FERMT3: variants seen among roughly 807,000 people sequenced by gnomAD.
The protein encoded by FERMT3 is fermitin family homolog 3.
Under a neutral mutation model 80.8 loss-of-function variants are expected in FERMT3, and 33 were observed. The observed-to-expected ratio is 0.41, with a 90% CI of 0.31 to 0.55. FERMT3 has a LOEUF of 0.55. Among genes scored for constraint, FERMT3 ranks in the 20% least tolerant of loss-of-function variants. The pLI is 0.31. For synonymous variants in FERMT3, 375 were observed against 372.2 expected (o/e 1.01, Z -0.09); for missense variants, 754 against 908.7 (o/e 0.83, Z 2.19).
At chr11:64,213,699 A>T (rs980259381) in intron 6 of FERMT3, among the ~76,000 whole-genome samples, 1 of 150,884 alleles carries the variant, frequency 6.6e-6, no homozygotes, top group African/African-American at 2.4e-5. Context: ...CTGGGATTAC[A>T]GGCGTTGAGC....
rs1946781059 is a variant in FERMT3, at chr11:64,223,714, G to A, written c.*222G>A. ...GTGGGGGTCCCTGAGCTCATGTGGT[G>A]CCCCCTTTCCTTGTCTGAGTGGCTG... On this transcript the variant is annotated 3_prime_UTR_variant, in exon 15 of 15. Coordinates refer to ENST00000345728, the MANE Select transcript of FERMT3 (RefSeq NM_031471.6). 1 of 750,704 alleles carries A rather than the reference G, an allele frequency of 1.3e-6. No individual in the cohort carries two copies. The highest frequency in any genetic ancestry group is 2.7e-5 in the East Asian group (1 of 37,356). The allele number at this position is 750,704 out of a possible 1,614,324, so 46.5% of individuals were successfully genotyped here.
At chr11:64,216,447 C>T (rs1946551909) in intron 6 of FERMT3, among the ~76,000 whole-genome samples, 1 of 149,324 alleles carries the variant, frequency 6.7e-6, no homozygotes, top group Admixed American at 6.6e-5. Flanking sequence ...GATCTGCCCG[C>T]TTCAGCCTCC....
At chr11:64,223,018 C>A in intron 13 of FERMT3, 30 bp from the exon 14 acceptor site, 1 of 1,612,860 alleles carries the variant, frequency 6.2e-7, no homozygotes, top group Non-Finnish European at 8.5e-7. Context: ...AGGGTGGAGC[C>A]CTGGCTCACT....
rs1354660182 is a variant in FERMT3, at chr11:64,207,803, T to C, written c.160+279T>C. 3.4e-5 allele frequency: 13 copies of C among 386,474 alleles called. No homozygotes were observed. The East Asian group carries it at 6.7e-4, about 20-fold the overall frequency. 23.9% of individuals were successfully genotyped at this position (386,474 alleles called of 1,614,324 possible). A position where few individuals can be genotyped will look rare whatever the true frequency, so the allele number is the denominator to read the frequency against. Reference sequence around the variant, plus strand: ...ACCAATAGGGGCAGAAGGAGTGGTCTTGTCTGGGCCGAGGCTGAAGTCACA... The same window carrying C: ...ACCAATAGGGGCAGAAGGAGTGGTCCTGTCTGGGCCGAGGCTGAAGTCACA... On this transcript the variant is annotated intron_variant, in intron 2 of 14. Coordinates refer to ENST00000345728, the MANE Select transcript of FERMT3 (RefSeq NM_031471.6).
At chr11:64,208,922 G>C (rs1946376815) in intron 2 of FERMT3, among the ~76,000 whole-genome samples, 4 of 152,186 alleles carry the variant, frequency 2.6e-5, no homozygotes, top group Admixed American at 2.0e-4. Context: ...AGGCTGTCCT[G>C]CTAAGGTCAG....
intron 14 of FERMT3, 52 bp from the exon 15 acceptor site, chr11:64,223,261 A>G: frequency 6.2e-7 from 1 of 1,613,124 alleles, no homozygotes; most frequent in Non-Finnish European, 8.5e-7. Flanking sequence ...AGGGTGGGGC[A>G]GGGGCTGCTC....
Position 64,220,636 on chromosome 11 carries a change from C to T in FERMT3, c.1512C>T (p.Ala504=), listed in dbSNP as rs775055062. The T allele has an allele frequency of 8.7e-6, 14 of 1,611,462 alleles. No individual in the cohort carries two copies. In the East Asian group the frequency reaches 3.1e-4, roughly 36 times the overall value. ...AEGLNPYGLV[A]PRFQRKFKAK... ...GCCTCAACCCCTACGGCCTCGTTGC[C>T]CCCCGTTTCCAGCGAAAGTTCAAGG... The change falls in exon 12 of 15, where the codon GCC becomes GCT. Residue 504 remains alanine, a synonymous_variant. Transcript: ENST00000345728.
chr11:64,219,373 T>C lies in FERMT3; in HGVS notation c.894+15T>C. 6.3e-7 allele frequency: 1 copy of C among 1,582,736 alleles called. No individual in the cohort carries two copies. Among genetic ancestry groups the C allele is most frequent in the Non-Finnish European group, 8.6e-7 (1 of 1,165,152 alleles). On this transcript the variant is annotated intron_variant, in intron 7 of 14. Coordinates refer to ENST00000345728, the MANE Select transcript of FERMT3 (RefSeq NM_031471.6). The surrounding 1 kb of genome is among the most constrained non-coding windows in gnomAD (Gnocchi z 4.0). ...CCGCCCTGCAGGTACCAGGCGGGCCTGGGGGCACCAGGGCAGGTGGGAGGT... is the reference window on the plus strand; with the variant it reads ...CCGCCCTGCAGGTACCAGGCGGGCCCGGGGGCACCAGGGCAGGTGGGAGGT...
At chr11:64,220,106 G>T in intron 10 of FERMT3, 91 bp downstream of exon 10, 1 of 1,580,384 alleles carries the variant, frequency 6.3e-7, no homozygotes, top group Non-Finnish European at 8.7e-7. Flanking sequence ...TCCTCCTGGA[G>T]ACCGGGGAAG....
chr11:64,219,196 A>G lies in FERMT3; in HGVS notation c.787-55A>G. The G allele has an allele frequency of 6.6e-7, 1 of 1,510,980 alleles. No homozygotes were observed. Among genetic ancestry groups the G allele is most frequent in the East Asian group, 2.5e-5 (1 of 40,758 alleles). 93.6% of individuals were successfully genotyped at this position (1,510,980 alleles called of 1,614,324 possible). A position where few individuals can be genotyped will look rare whatever the true frequency, so the allele number is the denominator to read the frequency against. ...GGCAGGGGCTCAGTGCAGGGCGTCC[A>G]GGGCAGCTGGCATCTGACCAGCCCA... On this transcript the variant is annotated intron_variant, in intron 6 of 14. Transcript: ENST00000345728. The surrounding 1 kb of genome is among the most constrained non-coding windows in gnomAD (Gnocchi z 4.0).
rs920776780 is a variant in FERMT3, at chr11:64,210,237, T to C, written c.161-374T>C. Among the ~76,000 whole-genome samples the C allele has an allele frequency of 1.3e-5, 2 of 151,966 alleles. No homozygotes were observed. Among genetic ancestry groups the C allele is most frequent in the African/African-American group, 4.8e-5 (2 of 41,352 alleles). On this transcript the variant is annotated intron_variant, in intron 2 of 14. Coordinates refer to ENST00000345728, the MANE Select transcript of FERMT3 (RefSeq NM_031471.6). The surrounding 1 kb of genome is among the most constrained non-coding windows in gnomAD (Gnocchi z 4.3). Reference sequence around the variant, plus strand: ...AGACGTAGTCTCTGCCTCCAGGAGCTCCCCAGAATGCAAGACAGAGGCTGT... The same window carrying C: ...AGACGTAGTCTCTGCCTCCAGGAGCCCCCCAGAATGCAAGACAGAGGCTGT...
chr11:64,207,976 T>G (rs1479369509), intron 2 of FERMT3: 2 of 161,490 alleles, frequency 1.2e-5, no homozygotes, highest in Admixed American at 6.2e-5. Context: ...GCAGCTGTGG[T>G]ATCAGTCATG....
rs951741778 is a variant in FERMT3 at position 64,216,873 on chromosome 11, G to A, written c.787-2378G>A. Among the ~76,000 whole-genome samples, 5 of 150,970 alleles carry A rather than the reference G, an allele frequency of 3.3e-5. No homozygotes were observed. In the South Asian group the frequency reaches 6.3e-4, roughly 19 times the overall value. On this transcript the variant is annotated intron_variant, in intron 6 of 14. Transcript: ENST00000345728. ...GTACTCTACAAGGATTTTGATTCAC[G>A]TTTGAAGTTCTCTTCTGCGCCCTAC...
upstream of FERMT3, among the ~76,000 whole-genome samples, chr11:64,206,348 C>T (rs1014853607): frequency 6.6e-6 from 1 of 152,234 alleles, no homozygotes; most frequent in African/African-American, 2.4e-5. Context: ...CCTGGATACA[C>T]TCTGTCGACT....
chr11:64,223,742 G>A lies in FERMT3; in HGVS notation c.*250G>A, dbSNP rs1271108049. The A allele has an allele frequency of 3.5e-5, 27 of 774,536 alleles. 1 individual carries two copies. In the South Asian group the frequency reaches 4.5e-4, roughly 13 times the overall value. The allele number at this position is 774,536 out of a possible 1,614,324, so 48.0% of individuals were successfully genotyped here. ...CCCTTTCCTTGTCTGAGTGGCTGAG[G>A]CTGATACCCCTGACCTATCTGCAGT... is the stretch of plus-strand genomic sequence containing the variant. On this transcript the variant is annotated 3_prime_UTR_variant, in exon 15 of 15. Transcript: ENST00000345728.
chr11:64,223,288 A>G lies in FERMT3; in HGVS notation c.1813-25A>G, dbSNP rs777151357. On this transcript the variant is annotated intron_variant, in intron 14 of 14. Coordinates refer to ENST00000345728, the MANE Select transcript of FERMT3 (RefSeq NM_031471.6). ...GGGCTGCTCCCTTATCCCACCCACC[A>G]TTTGCCCCTCTGTCTGCCCTTCAGG... 9 of 1,613,466 alleles carry G rather than the reference A, an allele frequency of 5.6e-6. No homozygotes were observed. The African/African-American group carries it at 1.2e-4, about 22-fold the overall frequency.
intron 13 of FERMT3, 149 bp from the exon 14 acceptor site, chr11:64,222,899 C>G: frequency 1.0e-6 from 1 of 969,396 alleles, no homozygotes; most frequent in Non-Finnish European, 1.6e-6. Context: ...AACTTGAGGC[C>G]CAGGGAACCC....
chr11:64,219,253 A>C lies in FERMT3; in HGVS notation c.789A>C (p.Thr263=). The stretch of plus-strand genomic sequence containing the variant: ...AGCCTCCTCTCCCCCCGCTCCAGAC[A>C]GACCCCGTGCGGCTGACACAGCTGT... ...YYSFFDLDPK[T]DPVRLTQLYE... is the part of the protein sequence containing the mutation. The change falls in exon 7 of 15, where the codon ACA becomes ACC. Residue 263 remains threonine (T), a splice_region_variant and synonymous_variant. Transcript: ENST00000345728. This position sits in a 1 kb window ranked among gnomAD's most constrained non-coding sequence, Gnocchi z 4.0. 6.3e-7 allele frequency: 1 copy of C among 1,591,208 alleles called. No homozygotes were observed. The highest frequency in any genetic ancestry group is 8.5e-7 in the Non-Finnish European group (1 of 1,169,630).
chr11:64,207,519 A>T lies in FERMT3; in HGVS notation c.155A>T (p.Gln52Leu), dbSNP rs1468067201. Reference protein sequence around the residue: ...IGGVLLKIVEQINRKQDWSDH... With the variant: ...IGGVLLKIVELINRKQDWSDH... Reference sequence around the variant, plus strand: ...GGGGTGCTCCTGAAGATTGTGGAGCAGATCAGTGAGTGTCCGCTGCCCGCT... The same window carrying T: ...GGGGTGCTCCTGAAGATTGTGGAGCTGATCAGTGAGTGTCCGCTGCCCGCT... The change falls in exon 2 of 15, where the codon CAG (glutamine) becomes CTG (leucine). Residue 52 changes from glutamine to leucine, a missense_variant. Physicochemically the swap from Gln to Leu is moderately radical, Grantham distance 113. Transcript: ENST00000345728. The T allele has an allele frequency of 1.9e-6, 3 of 1,604,116 alleles. No individual in the cohort carries two copies. The highest frequency in any genetic ancestry group is 2.6e-6 in the Non-Finnish European group (3 of 1,172,790).
Sources: allele counts gnomAD v4.1 joint callset (sites outside exome capture counted in the v4.1 genomes callset), GRCh38; gene constraint gnomAD v4.1.1; non-coding constraint Gnocchi (gnomAD v3.1); transcripts MANE v1.5; gene names NCBI Gene and HGNC (gene_info 2026-07-23, HGNC 2026-07-21).